The following KCND2 variants were observed in gnomAD, a reference collection of about 807,000 sequenced individuals.
The protein encoded by KCND2 is potassium voltage-gated channel subfamily D member 2.
Under a neutral mutation model 54.4 loss-of-function variants are expected in KCND2, and 16 were observed. That is an observed-to-expected ratio of 0.29 (90% CI 0.20 to 0.45). The LOEUF (loss-of-function observed/expected upper bound fraction) is 0.45. Ranked by LOEUF, KCND2 falls within the 20% of genes least tolerant of loss-of-function variation. The pLI, the probability that KCND2 is intolerant of heterozygous loss-of-function variation, is 1.00. For synonymous variants in KCND2, 317 were observed against 310.7 expected (o/e 1.02, Z -0.21); for missense variants, 486 against 824.2 (o/e 0.59, Z 5.02).
intron 1 of KCND2, among the ~76,000 whole-genome samples, chr7:120,593,434 G>T (rs1420743368): frequency 3.3e-5 from 5 of 152,118 alleles, no homozygotes; most frequent in Admixed American, 6.5e-5. Context: ...TGGAAAAGAA[G>T]ATTATCACAG....
At chr7:120,396,697 G>A (rs1334798990) in intron 1 of KCND2, among the ~76,000 whole-genome samples, 1 of 151,896 alleles carries the variant, frequency 6.6e-6, no homozygotes, top group Non-Finnish European at 1.5e-5. Context: ...GAGTCCTAAT[G>A]TTATAAACTG....
intron 1 of KCND2, among the ~76,000 whole-genome samples, chr7:120,660,062 T>C (rs957367728): frequency 2.0e-5 from 3 of 152,218 alleles, no homozygotes; most frequent in African/African-American, 7.2e-5. Flanking sequence ...GTGGGCATGG[T>C]TAATATATTT....
At chr7:120,712,048 G>A (rs1438708670) in intron 1 of KCND2, among the ~76,000 whole-genome samples, 2 of 151,534 alleles carry the variant, frequency 1.3e-5, no homozygotes, top group African/African-American at 4.8e-5. Context: ...AGATGAAGAG[G>A]AGCTGACTTG....
At chr7:120,469,056 C>A (rs1584791762) in intron 1 of KCND2, among the ~76,000 whole-genome samples, 1 of 152,006 alleles carries the variant, frequency 6.6e-6, no homozygotes, top group Non-Finnish European at 1.5e-5. Context: ...TACCTCTCAT[C>A]CTCAGAGTGC....
chr7:120,440,883 T>C (rs1304368557), intron 1 of KCND2, among the ~76,000 whole-genome samples: 1 of 152,034 alleles, frequency 6.6e-6, no homozygotes, highest in African/African-American at 2.4e-5. Context: ...AATAAGCCAG[T>C]TTTCAGAAAT....
chr7:120,718,553 A>G (rs980935428), intron 1 of KCND2, among the ~76,000 whole-genome samples: 2 of 152,174 alleles, frequency 1.3e-5, no homozygotes, highest in African/African-American at 4.8e-5. Flanking sequence ...TGACAAAAGT[A>G]AAGTCGAGTA....
At chr7:120,559,253 T>C (rs559198947) in intron 1 of KCND2, among the ~76,000 whole-genome samples, 1 of 152,340 alleles carries the variant, frequency 6.6e-6, no homozygotes, top group African/African-American at 2.4e-5. Flanking sequence ...ATGACTTTCA[T>C]GGTGATAACC....
intron 1 of KCND2, among the ~76,000 whole-genome samples, chr7:120,705,134 G>A (rs1461383880): frequency 6.6e-6 from 1 of 152,102 alleles, no homozygotes; most frequent in African/African-American, 2.4e-5. Flanking sequence ...ATTCTCTCAA[G>A]CTATCAGGAG....
chr7:120,421,891 T>C (rs1318304608), intron 1 of KCND2, among the ~76,000 whole-genome samples: 1 of 152,250 alleles, frequency 6.6e-6, no homozygotes, highest in East Asian at 1.9e-4. Context: ...TCGGAGCTGG[T>C]GGACTAGTGG....
intron 1 of KCND2, among the ~76,000 whole-genome samples, chr7:120,604,525 TA>T (rs1792856329): frequency 7.5e-6 from 1 of 133,282 alleles, no homozygotes; most frequent in African/African-American, 2.6e-5. Flanking sequence ...ATAATAATAA[TA>T]ATAATAATAA....
At chr7:120,391,567 C>T (rs558588709) in intron 1 of KCND2, among the ~76,000 whole-genome samples, 2 of 152,238 alleles carry the variant, frequency 1.3e-5, no homozygotes, top group Admixed American at 6.5e-5. Flanking sequence ...TCCGCAACCT[C>T]GTCAGCATCT....
At chr7:120,519,401 G>A (rs1791659210) in intron 1 of KCND2, among the ~76,000 whole-genome samples, 1 of 152,024 alleles carries the variant, frequency 6.6e-6, no homozygotes, top group Non-Finnish European at 1.5e-5. Flanking sequence ...GCAGCTGCCG[G>A]TAGCTGACAG....
chr7:120,571,776 T>C (rs1268818644), intron 1 of KCND2, among the ~76,000 whole-genome samples: 1 of 152,184 alleles, frequency 6.6e-6, no homozygotes, highest in East Asian at 1.9e-4. Flanking sequence ...TTGCCAACAA[T>C]ATGATCCAGT....
At chr7:120,734,262 A>G (rs891751128) in intron 2 of KCND2, among the ~76,000 whole-genome samples, 1 of 152,042 alleles carries the variant, frequency 6.6e-6, no homozygotes, top group Non-Finnish European at 1.5e-5. Context: ...CAGTCTGTTT[A>G]CTCCTCCATG....
At chr7:120,306,080 C>T (rs1181765121) in intron 1 of KCND2, among the ~76,000 whole-genome samples, 1 of 152,108 alleles carries the variant, frequency 6.6e-6, no homozygotes, top group Non-Finnish European at 1.5e-5. Flanking sequence ...TCAGTTGTAG[C>T]TGTGACTGTT....
intron 1 of KCND2, among the ~76,000 whole-genome samples, chr7:120,340,741 G>A (rs916148262): frequency 2.6e-5 from 4 of 152,128 alleles, no homozygotes; most frequent in Non-Finnish European, 5.9e-5. Context: ...GGAAACACCT[G>A]ATTGGAAAGG....
chr7:120,510,667 A>T (rs1191064043), intron 1 of KCND2, among the ~76,000 whole-genome samples: 1 of 152,044 alleles, frequency 6.6e-6, no homozygotes, highest in Admixed American at 6.6e-5. Flanking sequence ...GGAGCACTAA[A>T]TTATTTCCCA....
intron 1 of KCND2, among the ~76,000 whole-genome samples, chr7:120,486,345 C>T (rs541467086): frequency 2.9e-4 from 44 of 152,182 alleles, no homozygotes; most frequent in African/African-American, 1.0e-3. Flanking sequence ...CCTGAGCCTT[C>T]AGGGGGTGGG....
intron 1 of KCND2, among the ~76,000 whole-genome samples, chr7:120,427,195 C>T (rs558415507): frequency 1.2e-4 from 19 of 152,244 alleles, no homozygotes; most frequent in South Asian, 2.1e-4. Context: ...TTTGATCATA[C>T]GCCACTATCT....
Sources: gnomAD v4.1 joint callset for allele counts (sites outside exome capture counted in the v4.1 genomes callset) on GRCh38, gnomAD v4.1.1 for gene constraint, MANE v1.5 for transcripts, NCBI Gene and HGNC (gene_info 2026-07-23, HGNC 2026-07-21) for gene names.